Variants in RACGAP1 observed in about 807,000 individuals in gnomAD.
RACGAP1 encodes the protein Rac GTPase activating protein 1, also known as rac GTPase-activating protein 1.
Under a neutral mutation model 78.1 loss-of-function variants are expected in RACGAP1, and 30 were observed. That is an observed-to-expected ratio of 0.38 (90% CI 0.29 to 0.52). The LOEUF (loss-of-function observed/expected upper bound fraction) is 0.52, where lower values mean the gene tolerates loss of function less well. Among genes scored for constraint, RACGAP1 ranks in the 20% least tolerant of loss-of-function variants. The probability of loss-of-function intolerance (pLI) is 0.82; values close to 1 mark genes in which losing one functional copy is unlikely to be tolerated. For synonymous variants in RACGAP1, 231 were observed against 264.8 expected, an observed-to-expected ratio of 0.87 and a Z score of 1.24; for missense variants, 587 against 777.1, an observed-to-expected ratio of 0.76 and a Z score of 2.91.
At position 49,989,174 on chromosome 12, in the gene RACGAP1, A is replaced by T. The variant is rs1259968966; in HGVS notation, c.*1094T>A. 6.6e-6 allele frequency: 1 copy of T among 152,202 alleles called. No homozygotes were observed. The highest frequency in any genetic ancestry group is 1.5e-5 in the Non-Finnish European group (1 of 68,042). The allele number at this position is 152,202 out of a possible 1,614,324, so 9.4% of individuals were successfully genotyped here. ...AACCAGCCTCATGTTCATTTTGAAA[A>T]AGCTATTTACTTTTTTTCCAAATAT... On this transcript the variant is annotated 3_prime_UTR_variant, in exon 17 of 17. Transcript: ENST00000312377.
chr12:49,991,479 ATTTTTTTTT>A (rs1197357619), intron 15 of RACGAP1, among the ~76,000 whole-genome samples: 952 of 23,988 alleles, frequency 0.04, 40 homozygotes, highest in Admixed American at 0.16. Flanking sequence ...ATATATATAT[ATTTTTTTTT>A]TTTTTTTTTT....
At chr12:50,022,710 C>T (rs1950076997) in intron 1 of RACGAP1, among the ~76,000 whole-genome samples, 1 of 152,244 alleles carries the variant, frequency 6.6e-6, no homozygotes, top group Non-Finnish European at 1.5e-5. Context: ...CATGGTGTTA[C>T]AATCATACAT....
Position 50,019,565 on chromosome 12 carries a change from G to A in RACGAP1, c.-4-2846C>T, listed in dbSNP as rs573480089. 2.9e-3 allele frequency among the ~76,000 whole-genome samples: 449 copies of A among 152,210 alleles called. 3 individuals carry two copies. Among genetic ancestry groups the A allele is most frequent in the African/African-American group, 0.01 (431 of 41,532 alleles). On this transcript the variant is annotated intron_variant, in intron 1 of 16. Coordinates refer to ENST00000312377, the MANE Select transcript of RACGAP1 (RefSeq NM_001319999.2). The stretch of plus-strand genomic sequence containing the variant: ...ACAGTTAAAAGCGGGAGAGGGAGCA[G>A]AAGTCCTGGGACAAGATGGGTGTGG...
chr12:50,013,032 C>A (rs1592202757), intron 2 of RACGAP1, among the ~76,000 whole-genome samples: 1 of 151,972 alleles, frequency 6.6e-6, no homozygotes, highest in African/African-American at 2.4e-5. Flanking sequence ...CATCGCACTC[C>A]AGCCTGGGCA....
chr12:49,997,089 G>C lies in RACGAP1; in HGVS notation c.995C>G (p.Pro332Arg). The change falls in exon 10 of 17, where the codon CCC (proline) becomes CGC (arginine). Residue 332 changes from proline (P) to arginine (R), a missense_variant. Coordinates refer to ENST00000312377, the MANE Select transcript of RACGAP1 (RefSeq NM_001319999.2). ...VSHPECRDRC[P>R]LPCIPTLIGT... ...TATCAGGGTAGGAATGCAGGGAAGG[G>C]GACAGCGGTCCCGACATTCTGGATG... The C allele has an allele frequency of 6.2e-7, 1 of 1,604,750 alleles. No homozygotes were observed. The highest frequency in any genetic ancestry group is 8.5e-7 in the Non-Finnish European group (1 of 1,172,960).
At chr12:50,023,035 T>C (rs757795161) in intron 1 of RACGAP1, among the ~76,000 whole-genome samples, 10 of 152,262 alleles carry the variant, frequency 6.6e-5, no homozygotes, top group Non-Finnish European at 1.5e-4. Flanking sequence ...ATTGTCTGTT[T>C]CTCCTCTAGC....
upstream of RACGAP1, among the ~76,000 whole-genome samples, chr12:50,026,666 A>C (rs1355662954): frequency 6.6e-6 from 1 of 152,146 alleles, no homozygotes; most frequent in African/African-American, 2.4e-5. Context: ...ATCACATCAC[A>C]AATTTTGTAA....
intron 2 of RACGAP1, among the ~76,000 whole-genome samples, chr12:50,011,154 T>C (rs1377777301): frequency 1.3e-5 from 2 of 151,356 alleles, no homozygotes; most frequent in South Asian, 2.1e-4. Flanking sequence ...CTGGCCAACA[T>C]GGTGAAACAT....
upstream of RACGAP1, chr12:50,025,627 G>A (rs886314845): frequency 1.2e-4 from 105 of 882,420 alleles, no homozygotes; most frequent in African/African-American, 1.8e-3. Context: ...GAAGCCAAAG[G>A]TGGCCATTTT....
intron 16 of RACGAP1, 81 bp from the exon 17 acceptor site, chr12:49,990,424 C>T: frequency 1.6e-6 from 2 of 1,265,806 alleles, no homozygotes; most frequent in Non-Finnish European, 2.3e-6. Context: ...CTTGATATAA[C>T]CCATTATAAG....
intron 2 of RACGAP1, among the ~76,000 whole-genome samples, chr12:50,008,079 C>A (rs1304310422): frequency 7.3e-6 from 1 of 137,098 alleles, no homozygotes; most frequent in Non-Finnish European, 1.5e-5. Context: ...TATTAAATTA[C>A]TGCTTCAGCT....
chr12:50,022,694 T>C (rs1012771234), intron 1 of RACGAP1, among the ~76,000 whole-genome samples: 4 of 152,250 alleles, frequency 2.6e-5, no homozygotes, highest in African/African-American at 9.6e-5. Context: ...TTTTACACTC[T>C]TATTTCATGG....
Position 49,990,798 on chromosome 12 carries a change from A to G in RACGAP1, c.1715-6T>C, listed in dbSNP as rs1947786708. ...CACAGGTCCCAGTAAACTCACTTCA[A>G]AGTTCAGACATATTTTTAAGAGAGG... On this transcript the variant is annotated splice_region_variant and splice_polypyrimidine_tract_variant and intron_variant, in intron 15 of 16. Coordinates refer to ENST00000312377, the MANE Select transcript of RACGAP1 (RefSeq NM_001319999.2). The G allele has an allele frequency of 1.9e-6, 3 of 1,602,920 alleles. No individual in the cohort carries two copies. Among genetic ancestry groups the G allele is most frequent in the Non-Finnish European group, 2.6e-6 (3 of 1,171,158 alleles).
At position 49,999,719 on chromosome 12, in the gene RACGAP1, T is replaced by A; in HGVS notation, c.645A>T (p.Ile215=). 6.2e-7 allele frequency: 1 copy of A among 1,613,130 alleles called. No individual in the cohort carries two copies. Among genetic ancestry groups the A allele is most frequent in the Non-Finnish European group, 8.5e-7 (1 of 1,179,030 alleles). Residue 215 remains isoleucine, a synonymous_variant, in exon 8 of 17, where the codon ATA becomes ATT. Transcript: ENST00000312377. ...GAACAGTCACTGTAGTTTTTGCAAC[T>A]ATGGATTCATTCCCCTGCAACAAAA... ...GSAVDQGNES[I]VAKTTVTVPN...
intron 2 of RACGAP1, among the ~76,000 whole-genome samples, chr12:50,007,905 G>GTT (rs534812284): frequency 5.7e-4 from 81 of 141,618 alleles, no homozygotes; most frequent in Non-Finnish European, 9.6e-4. Flanking sequence ...TTTTTTGTGG[G>GTT]TTTTTTTTTT....
chr12:50,021,994 G>C (rs1950034528), intron 1 of RACGAP1, among the ~76,000 whole-genome samples: 1 of 152,186 alleles, frequency 6.6e-6, no homozygotes, highest in African/African-American at 2.4e-5. Flanking sequence ...ATCACTTGCA[G>C]AGAGTAAACA....
intron 16 of RACGAP1, 134 bp from the exon 17 acceptor site, chr12:49,990,477 T>G (rs73119644): frequency 1.1e-6 from 1 of 871,286 alleles, no homozygotes; most frequent in South Asian, 1.6e-5. Flanking sequence ...TGCTTAAGTA[T>G]TCTTAGTCAC....
Position 49,999,182 on chromosome 12 carries a change from T to A in RACGAP1, c.838A>T (p.Ser280Cys), listed in dbSNP as rs770321403. Residue 280 changes from serine (S) to cysteine (C), a missense_variant, in exon 9 of 17, where the codon AGT (serine) becomes TGT (cysteine). By Grantham distance (112) the Ser-to-Cys change is moderately radical. Coordinates refer to ENST00000312377, the MANE Select transcript of RACGAP1 (RefSeq NM_001319999.2). ...TCATGCAGGCGCATCCCTCCATTAC[T>A]CTGTGGCGTGCCCACACTGTCTGTC... is the stretch of plus-strand genomic sequence containing the variant. ...TETDSVGTPQ[S>C]NGGMRLHDFV... The A allele has an allele frequency of 2.5e-6, 4 of 1,613,588 alleles. No individual in the cohort carries two copies. The South Asian group carries it at 3.3e-5, about 13-fold the overall frequency.
At chr12:50,023,856 A>G (rs1298727788) in intron 1 of RACGAP1, among the ~76,000 whole-genome samples, 2 of 152,196 alleles carry the variant, frequency 1.3e-5, no homozygotes, top group African/African-American at 2.4e-5. Context: ...ACTAATGGGT[A>G]TAAGGGTAAG....
Sources: gnomAD v4.1 joint callset for allele counts (sites outside exome capture counted in the v4.1 genomes callset) on GRCh38, gnomAD v4.1.1 for gene constraint, MANE v1.5 for transcripts, NCBI Gene and HGNC (gene_info 2026-07-23, HGNC 2026-07-21) for gene names.